CNTNAP3B: variants seen among roughly 807,000 people sequenced by gnomAD.
CNTNAP3B encodes contactin associated protein family member 3B.
CNTNAP3B carries 25 observed loss-of-function variants against 108.9 expected under a neutral mutation model. The ratio of observed to expected loss-of-function variants is 0.23; its 90% CI spans 0.17 to 0.32. The LOEUF is 0.32. CNTNAP3B is among the 10% of genes least tolerant of loss of function. The pLI is 1.00. For missense variants in CNTNAP3B, 252 were observed against 1,210.4 expected, an observed-to-expected ratio of 0.21 and a Z score of 11.75; for synonymous variants, 103 against 473.4, an observed-to-expected ratio of 0.22 and a Z score of 10.16.
Position 41,973,723 on chromosome 9 carries a change from C to T in CNTNAP3B, c.1478-3478G>A, listed in dbSNP as rs1825473100. ...TGCAGGCTATATGCACAACCTGCAA[C>T]CGTACAGAGTGCTGCTTGAAAAACA... On this transcript the variant is annotated intron_variant, in intron 9 of 23. Transcript: ENST00000377561. Among the ~76,000 whole-genome samples, 3 of 139,890 alleles carry T rather than the reference C, an allele frequency of 2.1e-5. 1 individual carries two copies. Among genetic ancestry groups the T allele is most frequent in the Admixed American group, 1.4e-4 (2 of 14,122 alleles). The allele number at this position is 139,890 out of a possible 152,430, so 91.8% of individuals were successfully genotyped here.
Position 41,905,860 on chromosome 9 carries a change from C to T in CNTNAP3B, c.3442+8G>A. The T allele has an allele frequency of 0.014, 1 of 70 alleles. No individual in the cohort carries two copies. The highest frequency in any genetic ancestry group is 0.017 in the Non-Finnish European group (1 of 60). The allele number at this position is 70 out of a possible 1,614,324, so 0.0% of individuals were successfully genotyped here. ...ATTTTTTGGGAAAAAGCTCTTTCTCCTACTTACCTAAAACCTTTCCCAATA... is the reference window on the plus strand; with the variant it reads ...ATTTTTTGGGAAAAAGCTCTTTCTCTTACTTACCTAAAACCTTTCCCAATA... On this transcript the variant is annotated splice_region_variant and intron_variant, in intron 21 of 23. Coordinates refer to ENST00000377561, the MANE Select transcript of CNTNAP3B (RefSeq NM_001201380.3).
In CNTNAP3B at chr9:42,122,313, A is replaced by G. The variant is rs2118748088; in HGVS notation, c.85+6697T>C. Among the ~76,000 whole-genome samples the G allele has an allele frequency of 1.4e-5, 2 of 139,370 alleles. 1 individual carries two copies. Among genetic ancestry groups the G allele is most frequent in the African/African-American group, 5.7e-5 (2 of 35,314 alleles). 91.4% of individuals were successfully genotyped at this position (139,370 alleles called of 152,430 possible). On this transcript the variant is annotated intron_variant, in intron 1 of 23. Coordinates refer to ENST00000377561, the MANE Select transcript of CNTNAP3B (RefSeq NM_001201380.3). ...ATTTGGGTTCCTTTGTTAGTGGACAAGAATGAAAAGAGATAAATTAGTTAC... is the reference window on the plus strand; with the variant it reads ...ATTTGGGTTCCTTTGTTAGTGGACAGGAATGAAAAGAGATAAATTAGTTAC...
rs1564163701 is a variant in CNTNAP3B, at chr9:41,970,249, A to T, written c.1478-4T>A. ...CCAGAGCTGTTGCCCAGGCAGCCTG[A>T]ATATGAAGACAAAAATAGGACAAAA... On this transcript the variant is annotated splice_region_variant and splice_polypyrimidine_tract_variant and intron_variant, in intron 9 of 23. Coordinates refer to ENST00000377561, the MANE Select transcript of CNTNAP3B (RefSeq NM_001201380.3). 4.1e-6 allele frequency: 2 copies of T among 490,224 alleles called. No homozygotes were observed. Among genetic ancestry groups the T allele is most frequent in the Admixed American group, 5.8e-5 (1 of 17,240 alleles). 30.4% of individuals were successfully genotyped at this position (490,224 alleles called of 1,614,324 possible). A position where few individuals can be genotyped will look rare whatever the true frequency, so the allele number is the denominator to read the frequency against.
At chr9:41,926,169 C>T (rs953063174) in intron 15 of CNTNAP3B, among the ~76,000 whole-genome samples, 5 of 152,282 alleles carry the variant, frequency 3.3e-5, no homozygotes. Flanking sequence ...AGTCTTCCTC[C>T]TTCCCACATG....
At position 41,923,501 on chromosome 9, in the gene CNTNAP3B, C is replaced by A. The variant is rs1167908636; in HGVS notation, c.2536+422G>T. On this transcript the variant is annotated intron_variant, in intron 16 of 23. Coordinates refer to ENST00000377561, the MANE Select transcript of CNTNAP3B (RefSeq NM_001201380.3). ...TACTGGCTGGGTGTGGCAGTTCACA[C>A]CTGTAATCCCAGCACTTTGGGAACC... is the stretch of plus-strand genomic sequence containing the variant. Among the ~76,000 whole-genome samples the A allele has an allele frequency of 3.9e-5, 6 of 152,358 alleles. No individual in the cohort carries two copies. In the East Asian group the frequency reaches 5.8e-4, roughly 15 times the overall value.
chr9:42,119,528 C>A (rs78961638), intron 1 of CNTNAP3B, among the ~76,000 whole-genome samples: 47,320 of 116,662 alleles, frequency 0.41, 11,651 homozygotes, highest in East Asian at 0.64. Context: ...CCAAGTCAAT[C>A]CTAAGCCAAA....
Position 42,053,267 on chromosome 9 carries a change from T to C in CNTNAP3B, c.390+23602A>G, listed in dbSNP as rs1391055458. Among the ~76,000 whole-genome samples, 5 of 95,950 alleles carry C rather than the reference T, an allele frequency of 5.2e-5. 1 individual carries two copies. Among genetic ancestry groups the C allele is most frequent in the African/African-American group, 1.6e-4 (4 of 25,550 alleles). The allele number at this position is 95,950 out of a possible 152,430, so 62.9% of individuals were successfully genotyped here. On this transcript the variant is annotated intron_variant, in intron 3 of 23. Transcript: ENST00000377561. ...CAAATGCTTCTGATAAAGGGACTCA[T>C]ATAGTAGGAATTCACAATCTGAAAT...
intron 1 of CNTNAP3B, among the ~76,000 whole-genome samples, chr9:42,128,506 T>G: frequency 1.4e-5 from 2 of 138,174 alleles, no homozygotes; most frequent in East Asian, 4.4e-4. Flanking sequence ...TAATTTAGTT[T>G]CGCCTACAGG....
At chr9:41,930,917 C>T (rs1191473187) in intron 14 of CNTNAP3B, among the ~76,000 whole-genome samples, 5 of 152,188 alleles carry the variant, frequency 3.3e-5, no homozygotes, top group African/African-American at 1.2e-4. Context: ...TGCATATATG[C>T]ATATATAATA....
chr9:41,918,932 T>G lies in CNTNAP3B; in HGVS notation c.2995+1138A>C, dbSNP rs1430026176. ...TCTAGATAATGAATCCTCAAAATTCTTTTGAAAGTCACACAATTTATAGTG... is the reference window on the plus strand; with the variant it reads ...TCTAGATAATGAATCCTCAAAATTCGTTTGAAAGTCACACAATTTATAGTG... On this transcript the variant is annotated intron_variant, in intron 18 of 23. Transcript: ENST00000377561. Among the ~76,000 whole-genome samples the G allele has an allele frequency of 4.6e-3, 675 of 148,172 alleles. 3 individuals are homozygous for G. Among genetic ancestry groups the G allele is most frequent in the African/African-American group, 0.017 (644 of 38,810 alleles).
intron 17 of CNTNAP3B, among the ~76,000 whole-genome samples, 155 bp downstream of exon 17, chr9:41,922,522 A>C (rs1823698191): frequency 6.8e-6 from 1 of 146,956 alleles, no homozygotes; most frequent in Non-Finnish European, 1.5e-5. Flanking sequence ...TAAGAAGCAC[A>C]CAGCAAGCTC....
rs572127687 is a variant in CNTNAP3B, at chr9:41,941,915, C to T, written c.2081-3515G>A. On this transcript the variant is annotated intron_variant, in intron 13 of 23. Coordinates refer to ENST00000377561, the MANE Select transcript of CNTNAP3B (RefSeq NM_001201380.3). ...TCTCAGAATAAAGATAGGAAAAAAA[C>T]GCTCTTATGTCTCCAGCAGGGGGAG... Among the ~76,000 whole-genome samples the T allele has an allele frequency of 5.9e-5, 9 of 151,782 alleles. No homozygotes were observed. In the South Asian group the frequency reaches 1.0e-3, roughly 18 times the overall value.
rs186742532 is a variant in CNTNAP3B, at chr9:42,115,131, G to A, written c.86-10392C>T. On this transcript the variant is annotated intron_variant, in intron 1 of 23. Coordinates refer to ENST00000377561, the MANE Select transcript of CNTNAP3B (RefSeq NM_001201380.3). Reference sequence around the variant, plus strand: ...ATAAAGCAAAGTGAGTTAAAGCCCAGAACACATTAAGACTTTCAAACATTG... The same window carrying A: ...ATAAAGCAAAGTGAGTTAAAGCCCAAAACACATTAAGACTTTCAAACATTG... Among the ~76,000 whole-genome samples the A allele has an allele frequency of 2.9e-4, 40 of 138,458 alleles. 8 individuals are homozygous for A. Among genetic ancestry groups the A allele is most frequent in the African/African-American group, 1.1e-3 (40 of 34,874 alleles). The allele number at this position is 138,458 out of a possible 152,430, so 90.8% of individuals were successfully genotyped here.
chr9:42,116,937 C>T (rs1828332486), intron 1 of CNTNAP3B, among the ~76,000 whole-genome samples: 2 of 139,412 alleles, frequency 1.4e-5, no homozygotes, highest in African/African-American at 2.9e-5. Context: ...AAGGCCATTA[C>T]ATAATTGTAA....
intron 18 of CNTNAP3B, among the ~76,000 whole-genome samples, chr9:41,916,242 TG>T (rs1194230111): frequency 1.3e-5 from 2 of 148,788 alleles, no homozygotes; most frequent in African/African-American, 5.0e-5. Context: ...TCCTCTGTGC[TG>T]TTTTTTTGTA....
chr9:41,967,667 G>T, intron 10 of CNTNAP3B, among the ~76,000 whole-genome samples: 1 of 152,272 alleles, frequency 6.6e-6, no homozygotes, highest in South Asian at 2.1e-4. Context: ...AACAGCAAAG[G>T]TCTTTAATTT....
At chr9:41,995,480 G>A (rs1419815146) in intron 7 of CNTNAP3B, among the ~76,000 whole-genome samples, 1 of 131,316 alleles carries the variant, frequency 7.6e-6, no homozygotes, top group Non-Finnish European at 1.6e-5. Context: ...GTGCGCCTGT[G>A]GTCCTATCAC....
At chr9:41,918,846 C>A (rs1823588760) in intron 18 of CNTNAP3B, among the ~76,000 whole-genome samples, 1 of 145,504 alleles carries the variant, frequency 6.9e-6, no homozygotes, top group Non-Finnish European at 1.5e-5. Flanking sequence ...GATTTGTGAG[C>A]ACAGAGATCT....
chr9:41,916,310 C>T (rs2117912664), intron 18 of CNTNAP3B, among the ~76,000 whole-genome samples: 1 of 147,254 alleles, frequency 6.8e-6, no homozygotes, highest in African/African-American at 2.5e-5. Context: ...TGTATATTCT[C>T]TATTATAGTT....
Sources: allele counts gnomAD v4.1 joint callset (sites outside exome capture counted in the v4.1 genomes callset), GRCh38; gene constraint gnomAD v4.1.1; transcripts MANE v1.5; gene names NCBI Gene and HGNC (gene_info 2026-07-23, HGNC 2026-07-21).